PAK5: variants seen among roughly 807,000 people sequenced by gnomAD.
PAK5 encodes p21 (RAC1) activated kinase 5.
Under a neutral mutation model 65.9 loss-of-function variants are expected in PAK5, and 16 were observed. That is an observed-to-expected ratio of 0.24 (90% CI 0.16 to 0.37). The LOEUF (loss-of-function observed/expected upper bound fraction) is 0.37, where lower values mean the gene tolerates loss of function less well. PAK5 is among the 10% of genes least tolerant of loss of function. The pLI is 1.00. For missense variants in PAK5, 785 were observed against 903.9 expected (o/e 0.87, Z 1.69); for synonymous variants, 371 against 354.9 (o/e 1.05, Z -0.51).
intron 1 of PAK5, among the ~76,000 whole-genome samples, chr20:9,741,574 G>A (rs1957482241): frequency 6.6e-6 from 1 of 152,054 alleles, no homozygotes; most frequent in Non-Finnish European, 1.5e-5. Flanking sequence ...ACCCCTTTTA[G>A]CCTCAATTTT....
chr20:9,696,496 T>C (rs8124198), intron 2 of PAK5, among the ~76,000 whole-genome samples: 7,747 of 152,204 alleles, frequency 0.051, 634 homozygotes, highest in African/African-American at 0.17. Context: ...TTTAACCTCA[T>C]AGTCAGGTTA....
intron 4 of PAK5, chr20:9,577,375 T>G (rs534845219): frequency 6.6e-6 from 1 of 150,938 alleles, no homozygotes; most frequent in South Asian, 2.1e-4. Flanking sequence ...AATGTAAAAC[T>G]GTGTCAAACA....
intron 1 of PAK5, among the ~76,000 whole-genome samples, chr20:9,754,622 A>G (rs1400376878): frequency 6.6e-6 from 1 of 152,154 alleles, no homozygotes. Context: ...CTAAACCATA[A>G]TTTCTAATCT....
chr20:9,584,847 A>T (rs1371045714), intron 3 of PAK5, among the ~76,000 whole-genome samples: 1 of 152,230 alleles, frequency 6.6e-6, no homozygotes, highest in African/African-American at 2.4e-5. Flanking sequence ...TTTATGAACA[A>T]TAGGCAGGTT....
intron 3 of PAK5, among the ~76,000 whole-genome samples, chr20:9,597,390 T>G (rs970125621): frequency 7.2e-5 from 11 of 152,252 alleles, no homozygotes; most frequent in African/African-American, 2.7e-4. Flanking sequence ...GGTTTGTGTA[T>G]GCTTTCCTTC....
At chr20:9,596,438 C>T (rs771908959) in intron 3 of PAK5, among the ~76,000 whole-genome samples, 25 of 151,948 alleles carry the variant, frequency 1.6e-4, no homozygotes, top group Non-Finnish European at 3.5e-4. Context: ...AGATCAAGAC[C>T]ATCCTGGCTA....
chr20:9,836,428 G>C (rs571847391), intron 1 of PAK5, among the ~76,000 whole-genome samples: 1 of 152,338 alleles, frequency 6.6e-6, no homozygotes, highest in Non-Finnish European at 1.5e-5. Context: ...GACAGAGACA[G>C]AGAGGAAGAT....
intron 2 of PAK5, among the ~76,000 whole-genome samples, chr20:9,661,161 T>C (rs1170392592): frequency 6.6e-6 from 1 of 152,194 alleles, no homozygotes; most frequent in Non-Finnish European, 1.5e-5. Flanking sequence ...GATTGTTTAA[T>C]TACTTAATCT....
chr20:9,635,301 G>A (rs989854842), intron 3 of PAK5, among the ~76,000 whole-genome samples: 2 of 152,148 alleles, frequency 1.3e-5, no homozygotes, highest in Non-Finnish European at 2.9e-5. Context: ...CATTGGGTCT[G>A]ACCCTTAAAT....
At chr20:9,661,112 C>T (rs1479676257) in intron 2 of PAK5, among the ~76,000 whole-genome samples, 1 of 152,004 alleles carries the variant, frequency 6.6e-6, no homozygotes, top group Non-Finnish European at 1.5e-5. Flanking sequence ...CACTGCAGGG[C>T]TTTGGTTTTT....
intron 5 of PAK5, among the ~76,000 whole-genome samples, chr20:9,564,009 A>T (rs766338295): frequency 6.6e-6 from 1 of 152,196 alleles, no homozygotes; most frequent in Non-Finnish European, 1.5e-5. Context: ...GAGTCCTTAC[A>T]ATAGAAAGAC....
At chr20:9,646,734 T>A (rs938322707) in intron 2 of PAK5, among the ~76,000 whole-genome samples, 2 of 152,232 alleles carry the variant, frequency 1.3e-5, no homozygotes, top group Non-Finnish European at 2.9e-5. Context: ...ATACGCACTG[T>A]GCCTGCACAC....
rs1361283719 is a variant in PAK5 at position 9,681,605 on chromosome 20, C to G, written c.-12+29681G>C. On this transcript the variant is annotated intron_variant, in intron 2 of 9. Transcript: ENST00000353224. ...AACATAAATCTTTATCTCTTTATAG[C>G]CTTTTTTATGTTAGTAAGCTTACTA... 3.3e-5 allele frequency among the ~76,000 whole-genome samples: 5 copies of G among 152,192 alleles called. 1 individual carries two copies. The highest frequency in any genetic ancestry group is 2.6e-4 in the Admixed American group (4 of 15,290).
chr20:9,715,308 C>T (rs1046923963), intron 1 of PAK5, among the ~76,000 whole-genome samples: 1 of 152,122 alleles, frequency 6.6e-6, no homozygotes, highest in African/African-American at 2.4e-5. Context: ...CTCATCATCA[C>T]TGGCCATCAG....
chr20:9,732,668 T>C, intron 1 of PAK5, among the ~76,000 whole-genome samples: 1 of 152,122 alleles, frequency 6.6e-6, no homozygotes, highest in African/African-American at 2.4e-5. Flanking sequence ...TACACAACTG[T>C]CTACCCAAGG....
At chr20:9,690,435 T>G (rs917646261) in intron 2 of PAK5, among the ~76,000 whole-genome samples, 19 of 152,108 alleles carry the variant, frequency 1.2e-4, no homozygotes, top group Non-Finnish European at 2.6e-4. Context: ...TGCAGGGTAG[T>G]TTATCTGGGA....
At chr20:9,673,504 T>A (rs567586784) in intron 2 of PAK5, among the ~76,000 whole-genome samples, 3 of 152,218 alleles carry the variant, frequency 2.0e-5, no homozygotes, top group Non-Finnish European at 4.4e-5. Context: ...TTAATTTTGT[T>A]CAATTTAAAT....
intron 1 of PAK5, among the ~76,000 whole-genome samples, chr20:9,832,695 T>C (rs543479795): frequency 6.6e-6 from 1 of 152,388 alleles, no homozygotes; most frequent in East Asian, 1.9e-4. Flanking sequence ...AGTTTATTTT[T>C]TGTATTTTTT....
intron 1 of PAK5, among the ~76,000 whole-genome samples, chr20:9,775,478 G>A (rs148927465): frequency 6.6e-6 from 1 of 152,238 alleles, no homozygotes; most frequent in East Asian, 1.9e-4. Context: ...AGAAAAAATG[G>A]TGCAACTACA....
Sources: gnomAD v4.1 joint callset for allele counts (sites outside exome capture counted in the v4.1 genomes callset) on GRCh38, gnomAD v4.1.1 for gene constraint, MANE v1.5 for transcripts, NCBI Gene and HGNC (gene_info 2026-07-23, HGNC 2026-07-21) for gene names.